Variants in SYN3 observed in about 807,000 individuals in gnomAD.
SYN3 encodes synapsin-3.
SYN3 carries 35 observed loss-of-function variants against 65.8 expected under a neutral mutation model. The ratio of observed to expected loss-of-function variants is 0.53; its 90% CI spans 0.41 to 0.70. SYN3 has a LOEUF of 0.70. Ranked by LOEUF, SYN3 falls within the 30% of genes least tolerant of loss-of-function variation. The pLI, the probability that SYN3 is intolerant of heterozygous loss-of-function variation, is 0.00. For missense variants in SYN3, 680 were observed against 749.0 expected (o/e 0.91, Z 1.08); for synonymous variants, 270 against 292.9 (o/e 0.92, Z 0.80).
intron 6 of SYN3, among the ~76,000 whole-genome samples, chr22:32,632,381 T>C (rs1017758388): frequency 6.6e-6 from 1 of 152,116 alleles, no homozygotes; most frequent in African/African-American, 2.4e-5. Context: ...TTGTATGGGA[T>C]CTTGGGCAAA....
intron 2 of SYN3, among the ~76,000 whole-genome samples, chr22:33,003,717 G>A (rs1170695042): frequency 6.6e-6 from 1 of 152,230 alleles, no homozygotes; most frequent in East Asian, 1.9e-4. Context: ...ATTTGCTGGG[G>A]AGAAATTCAA....
At chr22:32,639,623 A>C (rs2059867704) in intron 6 of SYN3, among the ~76,000 whole-genome samples, 1 of 147,016 alleles carries the variant, frequency 6.8e-6, no homozygotes, top group Non-Finnish European at 1.5e-5. Context: ...ATCATAGCTC[A>C]CTGCAGCCTC....
intron 6 of SYN3, among the ~76,000 whole-genome samples, chr22:32,695,292 C>T (rs1055929034): frequency 1.3e-5 from 2 of 152,052 alleles, no homozygotes; most frequent in African/African-American, 2.4e-5. Flanking sequence ...TGAATAAATC[C>T]CACATTCTGC....
At chr22:32,980,853 T>TA in intron 2 of SYN3, 151 bp from the exon 3 acceptor site, 1 of 633,714 alleles carries the variant, frequency 1.6e-6, no homozygotes, top group Non-Finnish European at 2.7e-6. Flanking sequence ...ATTTTCTCAG[T>TA]CTTTTTTTTT....
intron 10 of SYN3, among the ~76,000 whole-genome samples, chr22:32,533,547 T>C (rs896148771): frequency 6.6e-6 from 1 of 152,094 alleles, no homozygotes; most frequent in Non-Finnish European, 1.5e-5. Context: ...GGCCTGTGGG[T>C]TGGGGATGTT....
At chr22:32,603,622 C>A (rs73399264) in intron 6 of SYN3, among the ~76,000 whole-genome samples, 1 of 152,284 alleles carries the variant, frequency 6.6e-6, no homozygotes, top group Admixed American at 6.5e-5. Flanking sequence ...TGTGGCCACC[C>A]CACTTCCCAA....
At chr22:32,732,334 G>A (rs1178647211) in intron 6 of SYN3, among the ~76,000 whole-genome samples, 1 of 152,230 alleles carries the variant, frequency 6.6e-6, no homozygotes, top group African/African-American at 2.4e-5. Flanking sequence ...TCTGGAGGCA[G>A]TGGTTGTTAT....
chr22:32,899,161 G>GT (rs1221962203), intron 4 of SYN3, among the ~76,000 whole-genome samples: 2 of 126,340 alleles, frequency 1.6e-5, no homozygotes, highest in East Asian at 5.4e-4. Context: ...TGATTAGGAA[G>GT]ATTAACCAAG....
chr22:32,864,180 A>T (rs2048624740), intron 6 of SYN3, among the ~76,000 whole-genome samples: 3 of 152,132 alleles, frequency 2.0e-5, no homozygotes, highest in Admixed American at 2.0e-4. Flanking sequence ...GTTCCCAAAG[A>T]CGCATTCCCT....
chr22:33,008,765 AT>A (rs1182487903), intron 1 of SYN3, among the ~76,000 whole-genome samples: 3 of 151,726 alleles, frequency 2.0e-5, no homozygotes, highest in Non-Finnish European at 2.9e-5. Context: ...AGTAAAAATA[AT>A]TTTTTTTAAA....
chr22:32,553,418 AT>A (rs2058445568), intron 7 of SYN3, among the ~76,000 whole-genome samples: 1 of 152,262 alleles, frequency 6.6e-6, no homozygotes. Context: ...TGGAAAAAAA[AT>A]AATTCTAAAC....
chr22:32,973,334 C>T (rs241725), intron 3 of SYN3, among the ~76,000 whole-genome samples: 46,946 of 152,018 alleles, frequency 0.31, 8,017 homozygotes, highest in East Asian at 0.74. Context: ...TAGATTGGTG[C>T]GGGCAGAGTG....
At chr22:32,782,715 C>T (rs1253682801) in intron 6 of SYN3, among the ~76,000 whole-genome samples, 1 of 151,928 alleles carries the variant, frequency 6.6e-6, no homozygotes, top group Non-Finnish European at 1.5e-5. Context: ...GATGGGGTTG[C>T]ACCATGTTAG....
At chr22:32,605,069 T>TC (rs1363612102) in intron 6 of SYN3, among the ~76,000 whole-genome samples, 3 of 149,996 alleles carry the variant, frequency 2.0e-5, no homozygotes, top group Admixed American at 1.3e-4. Context: ...GTTTCTCCAC[T>TC]CCCCATAGGT....
chr22:32,757,785 A>G (rs981307752), intron 6 of SYN3, among the ~76,000 whole-genome samples: 1 of 152,204 alleles, frequency 6.6e-6, no homozygotes, highest in African/African-American at 2.4e-5. Context: ...ATTAAGGTCA[A>G]TGGGAAACTA....
chr22:32,627,548 C>T (rs1289082981), intron 6 of SYN3, among the ~76,000 whole-genome samples: 5 of 152,122 alleles, frequency 3.3e-5, no homozygotes, highest in South Asian at 2.1e-4. Context: ...GACTTTGATA[C>T]ACAGAGACAC....
intron 1 of SYN3, among the ~76,000 whole-genome samples, chr22:33,012,073 T>G (rs2053363366): frequency 1.3e-5 from 2 of 152,208 alleles, no homozygotes; most frequent in South Asian, 4.1e-4. Flanking sequence ...TTCTTCTCCT[T>G]ACTTTTGGTT....
intron 6 of SYN3, among the ~76,000 whole-genome samples, chr22:32,692,131 T>C (rs1216247554): frequency 5.4e-5 from 2 of 37,372 alleles, no homozygotes; most frequent in Admixed American, 3.5e-4. Context: ...TTGTCATTGA[T>C]ACAAAAAAGA....
rs183225645 is a variant in SYN3, at chr22:32,842,214, C to T, written c.711+22701G>A. ...ATGCCTGTTTTTCATTCCAGTACGCCGTGATCACTTCTCCAGTTTTCTTGA... is the reference window on the plus strand; with the variant it reads ...ATGCCTGTTTTTCATTCCAGTACGCTGTGATCACTTCTCCAGTTTTCTTGA... On this transcript the variant is annotated intron_variant, in intron 6 of 13. Coordinates refer to ENST00000358763, the MANE Select transcript of SYN3 (RefSeq NM_003490.4). Among the ~76,000 whole-genome samples, 8 of 152,174 alleles carry T rather than the reference C, an allele frequency of 5.3e-5. No homozygotes were observed. The East Asian group carries it at 5.8e-4, about 11-fold the overall frequency.
Sources: allele counts gnomAD v4.1 joint callset (sites outside exome capture counted in the v4.1 genomes callset), GRCh38; gene constraint gnomAD v4.1.1; transcripts MANE v1.5; gene names NCBI Gene and HGNC (gene_info 2026-07-23, HGNC 2026-07-21).